ABHD2: variants seen among roughly 807,000 people sequenced by gnomAD.
The protein encoded by ABHD2 is abhydrolase domain containing 2, acylglycerol lipase, also known as monoacylglycerol lipase ABHD2.
ABHD2 carries 20 observed loss-of-function variants against 48.1 expected under a neutral mutation model. That is an observed-to-expected ratio of 0.42 (90% CI 0.29 to 0.60). ABHD2 has a LOEUF of 0.60. Among genes scored for constraint, ABHD2 ranks in the 20% least tolerant of loss-of-function variants. The pLI is 0.24. For missense variants in ABHD2, 405 were observed against 550.9 expected (o/e 0.74, Z 2.65); for synonymous variants, 209 against 214.2 (o/e 0.98, Z 0.21).
the ABHD2 span, among the ~76,000 whole-genome samples, chr15:89,063,637 A>C: frequency 6.6e-6 from 1 of 152,088 alleles, no homozygotes; most frequent in Non-Finnish European, 1.5e-5. Context: ...TTGTTGTAAA[A>C]CATAAATAAC....
chr15:89,062,151 C>G, the ABHD2 span, among the ~76,000 whole-genome samples: 9 of 152,080 alleles, frequency 5.9e-5, no homozygotes, highest in Non-Finnish European at 8.8e-5. Context: ...GGAAAGAAAT[C>G]TTTTGAACCT....
rs564159377 is a variant in ABHD2, at chr15:89,164,080, T to A, written c.538+8546T>A. 6.6e-5 allele frequency among the ~76,000 whole-genome samples: 10 copies of A among 152,272 alleles called. No homozygotes were observed. The highest frequency in any genetic ancestry group is 2.4e-4 in the African/African-American group (10 of 41,544). On this transcript the variant is annotated intron_variant, in intron 5 of 10. Transcript: ENST00000352732. The surrounding 1 kb of genome is among the most constrained non-coding windows in gnomAD (Gnocchi z 5.0). ...TCTCAGAGCCACAGAATTGGACCTG[T>A]GGGTTTGGTCTTTGATCTTTTGTTC... is the stretch of plus-strand genomic sequence containing the variant.
the ABHD2 span, among the ~76,000 whole-genome samples, chr15:89,078,251 C>G: frequency 6.6e-6 from 1 of 152,178 alleles, no homozygotes; most frequent in Non-Finnish European, 1.5e-5. Flanking sequence ...CTACCTGGCT[C>G]CAACCTCTCC....
rs565225398 is a variant in ABHD2, at chr15:89,114,450, T to G, written c.-7+626T>G. Among the ~76,000 whole-genome samples the G allele has an allele frequency of 6.6e-6, 1 of 151,844 alleles. No individual in the cohort carries two copies. The highest frequency in any genetic ancestry group is 1.5e-5 in the Non-Finnish European group (1 of 67,920). On this transcript the variant is annotated intron_variant, in intron 2 of 10. Transcript: ENST00000352732. This position sits in a 1 kb window ranked among gnomAD's most constrained non-coding sequence, Gnocchi z 4.2. ...ATATGACCCCAGGAGTGAGGAGGAG[T>G]GTCACCAGAAGTTAAGTTTTTTTTG...
the ABHD2 span, among the ~76,000 whole-genome samples, chr15:89,043,226 C>A: frequency 6.6e-6 from 1 of 152,140 alleles, no homozygotes; most frequent in South Asian, 2.1e-4. Flanking sequence ...TGCCTGAGCT[C>A]TTCTAGCACC....
the ABHD2 span, among the ~76,000 whole-genome samples, chr15:89,075,543 A>G: frequency 2.0e-5 from 3 of 152,026 alleles, no homozygotes; most frequent in African/African-American, 7.3e-5. This position sits in a 1 kb window ranked among gnomAD's most constrained non-coding sequence, Gnocchi z 4.1. Flanking sequence ...GGAAGGCTAG[A>G]GAGGGAAGGT....
chr15:89,086,350 T>C (rs1400520380), upstream of ABHD2, among the ~76,000 whole-genome samples: 1 of 152,206 alleles, frequency 6.6e-6, no homozygotes, highest in Non-Finnish European at 1.5e-5. Context: ...ATTATTAATT[T>C]TTAATTGACA....
the ABHD2 span, among the ~76,000 whole-genome samples, chr15:89,043,454 G>GAGGAGA: frequency 0.065 from 9,299 of 143,856 alleles, 605 homozygotes; most frequent in African/African-American, 0.16. Context: ...GAAGGAGGAG[G>GAGGAGA]AGGAGAAGGA....
In ABHD2 at chr15:89,185,647, C is replaced by T. The variant is rs548863664; in HGVS notation, c.815+131C>T. On this transcript the variant is annotated intron_variant, in intron 7 of 10. Transcript: ENST00000352732. The surrounding 1 kb of genome is among the most constrained non-coding windows in gnomAD (Gnocchi z 5.9). ...ATGCAGGTGTGGTACAGACTCTCTG[C>T]TGCCTGCATTTGTGACTTGATTAGA... is the stretch of plus-strand genomic sequence containing the variant. 5.0e-6 allele frequency: 4 copies of T among 804,488 alleles called. No individual in the cohort carries two copies. The highest frequency in any genetic ancestry group is 3.5e-5 in the African/African-American group (2 of 57,074). The allele number at this position is 804,488 out of a possible 1,614,324, so 49.8% of individuals were successfully genotyped here.
chr15:89,172,427 T>G (rs2150923217), intron 5 of ABHD2, among the ~76,000 whole-genome samples: 1 of 152,364 alleles, frequency 6.6e-6, no homozygotes. Flanking sequence ...TCAAGGTTCT[T>G]CCATGCTGTA....
Position 89,188,625 on chromosome 15 carries a change from AG to A in ABHD2, c.926+325del, listed in dbSNP as rs1345047324. Among the ~76,000 whole-genome samples the A allele has an allele frequency of 2.6e-5, 4 of 152,232 alleles. No individual in the cohort carries two copies. Among genetic ancestry groups the A allele is most frequent in the Admixed American group, 6.5e-5 (1 of 15,284 alleles). On this transcript the variant is annotated intron_variant, in intron 8 of 10. Transcript: ENST00000352732. This position sits in a 1 kb window ranked among gnomAD's most constrained non-coding sequence, Gnocchi z 4.1. ...ACCCTACCTGTCCTGCCTCAACACCAGGGCAAGTGTCAGGTGCCACATAAAT... is the reference window on the plus strand; with the variant it reads ...ACCCTACCTGTCCTGCCTCAACACCAGGCAAGTGTCAGGTGCCACATAAAT...
Position 89,188,357 on chromosome 15 carries a change from G to C in ABHD2, c.926+54G>C. ...CTCTGGGGCAGGGTGCCAGGCAGGA[G>C]GCTGCAGGTCAGCTGTGCCCAGCAC... On this transcript the variant is annotated intron_variant, in intron 8 of 10. Coordinates refer to ENST00000352732, the MANE Select transcript of ABHD2 (RefSeq NM_152924.5). The surrounding 1 kb of genome is among the most constrained non-coding windows in gnomAD (Gnocchi z 4.1). 1.3e-6 allele frequency: 2 copies of C among 1,526,426 alleles called. No individual in the cohort carries two copies. Among genetic ancestry groups the C allele is most frequent in the Middle Eastern group, 1.8e-4 (1 of 5,686 alleles). 94.6% of individuals were successfully genotyped at this position (1,526,426 alleles called of 1,614,324 possible). A position where few individuals can be genotyped will look rare whatever the true frequency, so the allele number is the denominator to read the frequency against.
In ABHD2 at chr15:89,171,066, A is replaced by G. The variant is rs190590716; in HGVS notation, c.539-4746A>G. Among the ~76,000 whole-genome samples, 693 of 152,264 alleles carry G rather than the reference A, an allele frequency of 4.6e-3. 4 individuals are homozygous for G. Among genetic ancestry groups the G allele is most frequent in the African/African-American group, 0.016 (662 of 41,528 alleles). On this transcript the variant is annotated intron_variant, in intron 5 of 10. Transcript: ENST00000352732. ...GGGAGGCAGAGGTTGCAGTGAGTCA[A>G]GATCGCACCACTGCACTCCAGCCTG... is the stretch of plus-strand genomic sequence containing the variant.
intron 1 of ABHD2, among the ~76,000 whole-genome samples, chr15:89,112,477 C>T (rs968407307): frequency 2.6e-5 from 4 of 152,086 alleles, no homozygotes; most frequent in Admixed American, 6.5e-5. Context: ...TTTGCTCTTC[C>T]GGCCCCACCT....
At position 89,170,113 on chromosome 15, in the gene ABHD2, T is replaced by TGG. The variant is rs1555432375; in HGVS notation, c.539-5698_539-5697dup. On this transcript the variant is annotated intron_variant, in intron 5 of 10. Coordinates refer to ENST00000352732, the MANE Select transcript of ABHD2 (RefSeq NM_152924.5). ...TTTTTTTTTTTTTTTTTTTTTTTTT[T>TGG]GGAGACGGGGTCTCACTCTGTCACT... is the stretch of plus-strand genomic sequence containing the variant. Among the ~76,000 whole-genome samples the TGG allele has an allele frequency of 2.1e-4, 22 of 103,706 alleles. No homozygotes were observed. In the East Asian group the frequency reaches 5.1e-3, roughly 24 times the overall value. 68.0% of individuals were successfully genotyped at this position (103,706 alleles called of 152,430 possible). A position where few individuals can be genotyped will look rare whatever the true frequency, so the allele number is the denominator to read the frequency against.
chr15:89,155,284 T>C lies in ABHD2; in HGVS notation c.371-83T>C, dbSNP rs2050653483. The C allele has an allele frequency of 6.9e-7, 1 of 1,459,426 alleles. No homozygotes were observed. Among genetic ancestry groups the C allele is most frequent in the Admixed American group, 1.9e-5 (1 of 53,054 alleles). The allele number at this position is 1,459,426 out of a possible 1,614,324, so 90.4% of individuals were successfully genotyped here. A position where few individuals can be genotyped will look rare whatever the true frequency, so the allele number is the denominator to read the frequency against. On this transcript the variant is annotated intron_variant, in intron 4 of 10. Transcript: ENST00000352732. The surrounding 1 kb of genome is among the most constrained non-coding windows in gnomAD (Gnocchi z 4.9). Reference sequence around the variant, plus strand: ...GTATGTTGAATTCCCTCCCCTTGTTTTCTAGACCAGTGAAGTGTAATTATG... The same window carrying C: ...GTATGTTGAATTCCCTCCCCTTGTTCTCTAGACCAGTGAAGTGTAATTATG...
the ABHD2 span, among the ~76,000 whole-genome samples, chr15:89,064,161 G>A: frequency 6.7e-6 from 1 of 149,342 alleles, no homozygotes; most frequent in South Asian, 2.1e-4. Flanking sequence ...CTTCATCCAT[G>A]TTATAGCATG....
At chr15:89,064,316 T>G in the ABHD2 span, among the ~76,000 whole-genome samples, 1,370 of 150,450 alleles carry the variant, frequency 9.1e-3, 12 homozygotes, top group African/African-American at 0.032. Flanking sequence ...GCCTCCCGGG[T>G]TTAAGCGATT....
chr15:89,082,327 G>A, the ABHD2 span, among the ~76,000 whole-genome samples: 6 of 152,254 alleles, frequency 3.9e-5, no homozygotes, highest in Non-Finnish European at 7.3e-5. The surrounding 1 kb of genome is among the most constrained non-coding windows in gnomAD (Gnocchi z 4.4). Context: ...GCAACTATGC[G>A]AGGATATCCA....
Sources: gnomAD v4.1 joint callset for allele counts (sites outside exome capture counted in the v4.1 genomes callset) on GRCh38, gnomAD v4.1.1 for gene constraint, Gnocchi (gnomAD v3.1) non-coding constraint, MANE v1.5 for transcripts, NCBI Gene and HGNC (gene_info 2026-07-23, HGNC 2026-07-21) for gene names.